The following CNTLN variants were observed in gnomAD, a reference collection of about 807,000 sequenced individuals.
The protein encoded by CNTLN is centlein.
CNTLN carries 212 observed loss-of-function variants against 180.0 expected under a neutral mutation model. The ratio of observed to expected loss-of-function variants is 1.18; its 90% CI spans 1.05 to 1.32. The LOEUF (loss-of-function observed/expected upper bound fraction) is 1.32, where lower values mean the gene tolerates loss of function less well. Ranked by LOEUF, CNTLN falls within the 40% of genes most tolerant of loss-of-function variation. CNTLN has a pLI of 0.00. For synonymous variants in CNTLN, 722 were observed against 563.1 expected, an observed-to-expected ratio of 1.28 and a Z score of -3.99; for missense variants, 2,095 against 1,610.9, an observed-to-expected ratio of 1.30 and a Z score of -5.14.
intron 5 of CNTLN, among the ~76,000 whole-genome samples, chr9:17,273,337 G>A (rs989088258): frequency 6.6e-6 from 1 of 152,072 alleles, no homozygotes; most frequent in African/African-American, 2.4e-5. Context: ...AAATGTATCT[G>A]TGTATTTGCA....
In CNTLN at chr9:17,388,150, A is replaced by C. The variant is rs1825828546; in HGVS notation, c.1988-12A>C. On this transcript the variant is annotated splice_polypyrimidine_tract_variant and intron_variant, in intron 13 of 25. Transcript: ENST00000380647. ...CACGTGGTATCATAATATATTATTT[A>C]TTCTCTACCAGAACAGCTCTTTAGA... 1.3e-6 allele frequency: 2 copies of C among 1,560,840 alleles called. No homozygotes were observed. Among genetic ancestry groups the C allele is most frequent in the African/African-American group, 2.7e-5 (2 of 73,946 alleles).
At chr9:17,221,511 C>A (rs888432471) in intron 2 of CNTLN, among the ~76,000 whole-genome samples, 1 of 151,982 alleles carries the variant, frequency 6.6e-6, no homozygotes, top group Admixed American at 6.6e-5. Context: ...AGATAAAGTG[C>A]AAATGGTAAA....
intron 15 of CNTLN, among the ~76,000 whole-genome samples, chr9:17,400,709 A>T (rs920650557): frequency 2.6e-5 from 4 of 151,888 alleles, no homozygotes; most frequent in Admixed American, 2.0e-4. Context: ...AAAAGGAATC[A>T]TTTTTTTTGG....
chr9:17,367,166 G>T (rs1463642118), intron 13 of CNTLN, among the ~76,000 whole-genome samples: 1 of 152,222 alleles, frequency 6.6e-6, no homozygotes, highest in African/African-American at 2.4e-5. Flanking sequence ...ATGTGACATG[G>T]AGAGAGAATT....
At chr9:17,515,853 C>G in the CNTLN span, among the ~76,000 whole-genome samples, 2 of 152,252 alleles carry the variant, frequency 1.3e-5, no homozygotes, top group South Asian at 4.1e-4. Flanking sequence ...CACATGAGAC[C>G]ATGTCATTCC....
chr9:17,295,997 AGTGTGTGTGTGT>A (rs66515360), intron 6 of CNTLN, among the ~76,000 whole-genome samples: 192 of 91,322 alleles, frequency 2.1e-3, no homozygotes, highest in East Asian at 4.2e-3. Context: ...AGAGAGAGAG[AGTGTGTGTGTGT>A]GTGTGTGTGT....
chr9:17,295,333 C>A (rs1245168715), intron 6 of CNTLN, among the ~76,000 whole-genome samples: 6 of 152,204 alleles, frequency 3.9e-5, no homozygotes, highest in Non-Finnish European at 7.3e-5. Context: ...GGCGCCGAGG[C>A]CAAGGTGGCG....
At chr9:17,337,150 G>A (rs1299370281) in intron 10 of CNTLN, among the ~76,000 whole-genome samples, 2 of 152,024 alleles carry the variant, frequency 1.3e-5, no homozygotes, top group African/African-American at 4.8e-5. Context: ...ACTTTTTGAT[G>A]GGGTTGTTTG....
rs539522784 is a variant in CNTLN, at chr9:17,223,116, C to T, written c.450-3087C>T. 3.9e-5 allele frequency among the ~76,000 whole-genome samples: 6 copies of T among 152,080 alleles called. No individual in the cohort carries two copies. In the South Asian group the frequency reaches 8.3e-4, roughly 21 times the overall value. On this transcript the variant is annotated intron_variant, in intron 2 of 25. Transcript: ENST00000380647. ...GTTGTGTTTATAGCATGGATACTTTCGACAAAGAGATGATTCATGTCCTAC... is the reference window on the plus strand; with the variant it reads ...GTTGTGTTTATAGCATGGATACTTTTGACAAAGAGATGATTCATGTCCTAC...
chr9:17,184,153 G>A (rs1393103471), intron 2 of CNTLN, among the ~76,000 whole-genome samples: 1 of 152,068 alleles, frequency 6.6e-6, no homozygotes, highest in African/African-American at 2.4e-5. Flanking sequence ...GAAGATTTTC[G>A]TGAAATAGCT....
intron 2 of CNTLN, among the ~76,000 whole-genome samples, chr9:17,209,336 A>T (rs1823128366): frequency 6.6e-6 from 1 of 152,210 alleles, no homozygotes; most frequent in Non-Finnish European, 1.5e-5. Flanking sequence ...TGAGTCACAT[A>T]TGGTCTATTC....
At chr9:17,206,248 T>TTTTTGCCTAATA (rs1822914618) in intron 2 of CNTLN, among the ~76,000 whole-genome samples, 1 of 152,136 alleles carries the variant, frequency 6.6e-6, no homozygotes, top group South Asian at 2.1e-4. Context: ...AAACAGTCTA[T>TTTTTGCCTAATA]TTTTGCCTAA....
chr9:17,322,004 A>G (rs896349438), intron 8 of CNTLN, among the ~76,000 whole-genome samples: 3 of 152,124 alleles, frequency 2.0e-5, no homozygotes, highest in African/African-American at 7.2e-5. Context: ...ATTAGTTTCG[A>G]GTTTATATGT....
At chr9:17,421,593 T>C (rs1021401763) in intron 18 of CNTLN, among the ~76,000 whole-genome samples, 1 of 152,126 alleles carries the variant, frequency 6.6e-6, no homozygotes, top group Non-Finnish European at 1.5e-5. Context: ...AGATGAGTAC[T>C]TGCTACTGCC....
At chr9:17,392,986 C>G (rs1159670554) in intron 14 of CNTLN, among the ~76,000 whole-genome samples, 1 of 152,094 alleles carries the variant, frequency 6.6e-6, no homozygotes, top group Non-Finnish European at 1.5e-5. Flanking sequence ...TTGTCTTAGT[C>G]TCTTCAGTTG....
chr9:17,281,443 G>A (rs962910100), intron 6 of CNTLN, among the ~76,000 whole-genome samples: 2 of 151,598 alleles, frequency 1.3e-5, no homozygotes, highest in South Asian at 4.2e-4. Flanking sequence ...CCCTCTCCCC[G>A]CACACCACCC....
chr9:17,196,168 C>T (rs1400130305), intron 2 of CNTLN, among the ~76,000 whole-genome samples: 4 of 152,034 alleles, frequency 2.6e-5, no homozygotes, highest in Middle Eastern at 3.2e-3. Context: ...GGATTACAGG[C>T]GCCTGCCACC....
intron 12 of CNTLN, among the ~76,000 whole-genome samples, chr9:17,361,927 T>G (rs1023975146): frequency 1.8e-4 from 27 of 152,320 alleles, no homozygotes; most frequent in Middle Eastern, 3.4e-3. Flanking sequence ...AAGTGGATAG[T>G]AAATCAGAGT....
At chr9:17,214,173 G>A (rs1288800909) in intron 2 of CNTLN, among the ~76,000 whole-genome samples, 1 of 152,154 alleles carries the variant, frequency 6.6e-6, no homozygotes, top group Admixed American at 6.5e-5. Flanking sequence ...ACTTTGGCAT[G>A]TTTTTGCAGT....
Sources: gnomAD v4.1 joint callset for allele counts (sites outside exome capture counted in the v4.1 genomes callset) on GRCh38, gnomAD v4.1.1 for gene constraint, MANE v1.5 for transcripts, NCBI Gene and HGNC (gene_info 2026-07-23, HGNC 2026-07-21) for gene names.